Variants in PRKD2 observed in about 807,000 individuals in gnomAD.
PRKD2 encodes the protein serine/threonine-protein kinase D2.
In PRKD2, 22 loss-of-function variants were observed where a neutral mutation model predicts 86.0. That is an observed-to-expected ratio of 0.26 (90% CI 0.18 to 0.37). The LOEUF (loss-of-function observed/expected upper bound fraction) is 0.37. Ranked by LOEUF, PRKD2 falls within the 10% of genes least tolerant of loss-of-function variation. PRKD2 has a pLI of 1.00. For synonymous variants in PRKD2, 509 were observed against 510.9 expected (o/e 1.00, Z 0.05); for missense variants, 818 against 1,199.2 (o/e 0.68, Z 4.70).
At chr19:46,689,798 T>A (rs1018823125) in intron 13 of PRKD2, 100 bp from the exon 14 acceptor site, 1 of 1,405,864 alleles carries the variant, frequency 7.1e-7, no homozygotes, top group African/African-American at 1.4e-5. Context: ...AGGAGAAGGA[T>A]GTCCCTGGGG....
At position 46,678,039 on chromosome 19, in the gene PRKD2, C is replaced by T. The variant is rs113416276; in HGVS notation, c.2338+357G>A. ...GTCCCAGCCAATGCCTTGGGAGGCT[C>T]AGCCCCTTCTCCTGGTCACCGCAGC... On this transcript the variant is annotated intron_variant, in intron 16 of 17. Coordinates refer to ENST00000291281, the MANE Select transcript of PRKD2 (RefSeq NM_016457.5). The surrounding 1 kb of genome is among the most constrained non-coding windows in gnomAD (Gnocchi z 5.7). 6.3e-3 allele frequency among the ~76,000 whole-genome samples: 954 copies of T among 152,286 alleles called. 5 individuals are homozygous for T. Among genetic ancestry groups the T allele is most frequent in the African/African-American group, 0.022 (911 of 41,544 alleles).
At position 46,716,300 on chromosome 19, in the gene PRKD2, C is replaced by T. The variant is rs1276566248; in HGVS notation, c.71G>A (p.Gly24Asp). The T allele has an allele frequency of 6.5e-7, 1 of 1,541,480 alleles. No homozygotes were observed. Among genetic ancestry groups the T allele is most frequent in the African/African-American group, 1.4e-5 (1 of 70,330 alleles). ...SPGPGSPPPPGGLELQSPPPL... is the reference protein window; with the variant it reads ...SPGPGSPPPPDGLELQSPPPL... The stretch of plus-strand genomic sequence containing the variant: ...TGGCGGCGACTGCAGCTCTAGGCCG[C>T]CGGGGGGCGGAGGAGACCCCGGCCC... Residue 24 changes from glycine to aspartate, a missense_variant, in exon 1 of 18, where the codon GGC becomes GAC. Gly to Asp is a moderately conservative substitution (Grantham distance 94, BLOSUM62 -1). This residue lies in a region of PRKD2 where 403 missense variants were observed against 518.6 expected (regional missense o/e 0.78). Coordinates refer to ENST00000291281, the MANE Select transcript of PRKD2 (RefSeq NM_016457.5). The surrounding 1 kb of genome is among the most constrained non-coding windows in gnomAD (Gnocchi z 7.9).
In PRKD2 at chr19:46,704,492, C is replaced by T; in HGVS notation, c.666+3G>A. 3 of 1,614,176 alleles carry T rather than the reference C, an allele frequency of 1.9e-6. No individual in the cohort carries two copies. The highest frequency in any genetic ancestry group is 1.3e-5 in the African/African-American group (1 of 75,060). On this transcript the variant is annotated splice_donor_region_variant and intron_variant, in intron 4 of 17. Transcript: ENST00000291281. ...CAACCCGTCCCATCCCCCATCTCCT[C>T]ACCAGCTCTTCAGCCGTGCAGGGCA...
At chr19:46,681,831 C>T (rs970902830) in intron 14 of PRKD2, 83 bp from the exon 15 acceptor site, 9 of 778,348 alleles carry the variant, frequency 1.2e-5, no homozygotes, top group Non-Finnish European at 1.9e-5. Context: ...CCTCCAAACC[C>T]ATCCATACTT....
At chr19:46,697,951 GTTTT>G (rs2053584950) in intron 7 of PRKD2, 101 bp from the exon 8 acceptor site, 1 of 910,190 alleles carries the variant, frequency 1.1e-6, no homozygotes, top group African/African-American at 1.6e-5. Flanking sequence ...GTTGGGGACT[GTTTT>G]TGTTTGTTTG....
rs190753234 is a variant in PRKD2 at position 46,681,415 on chromosome 19, C to T, written c.2070+235G>A. Reference sequence around the variant, plus strand: ...GACTATAGGCGCACGCCACCATTCCCGGCTATTTTTTTTTTCATTTTTTGT... The same window carrying T: ...GACTATAGGCGCACGCCACCATTCCTGGCTATTTTTTTTTTCATTTTTTGT... On this transcript the variant is annotated intron_variant, in intron 15 of 17. Transcript: ENST00000291281. 1.1e-4 allele frequency among the ~76,000 whole-genome samples: 16 copies of T among 151,968 alleles called. No individual in the cohort carries two copies. The East Asian group carries it at 1.5e-3, about 15-fold the overall frequency.
intron 14 of PRKD2, among the ~76,000 whole-genome samples, chr19:46,687,174 C>A (rs898434987): frequency 6.6e-6 from 1 of 152,060 alleles, no homozygotes; most frequent in Admixed American, 6.6e-5. Context: ...AGGAGGATCA[C>A]TTGAGCCCAG....
At position 46,703,958 on chromosome 19, in the gene PRKD2, A is replaced by AACAACACAC. The variant is rs1555830816; in HGVS notation, c.889+210_889+211insGTGTGTTGT. Among the ~76,000 whole-genome samples, 1,087 of 133,714 alleles carry AACAACACAC rather than the reference A, an allele frequency of 8.1e-3. 21 individuals are homozygous for AACAACACAC. The highest frequency in any genetic ancestry group is 0.03 in the African/African-American group (1,013 of 34,286). The allele number at this position is 133,714 out of a possible 152,430, so 87.7% of individuals were successfully genotyped here. A position where few individuals can be genotyped will look rare whatever the true frequency, so the allele number is the denominator to read the frequency against. Reference sequence around the variant, plus strand: ...CACCCTGTCTCCAAAAAACAACAACAACACACACACACACACACACACACA... The same window carrying AACAACACAC: ...CACCCTGTCTCCAAAAAACAACAACAACAACACACACACACACACACACACACACACACA... On this transcript the variant is annotated intron_variant, in intron 5 of 17. Coordinates refer to ENST00000291281, the MANE Select transcript of PRKD2 (RefSeq NM_016457.5).
intron 3 of PRKD2, among the ~76,000 whole-genome samples, chr19:46,710,141 C>T (rs2053783616): frequency 6.6e-6 from 1 of 152,176 alleles, no homozygotes; most frequent in African/African-American, 2.4e-5. Flanking sequence ...TCGTGATCCA[C>T]CCGCCTCGGC....
chr19:46,709,083 T>G (rs1041693205), intron 3 of PRKD2, among the ~76,000 whole-genome samples: 1 of 151,570 alleles, frequency 6.6e-6, no homozygotes, highest in African/African-American at 2.4e-5. Context: ...TTCAAGTGAT[T>G]CTCCTACCTC....
chr19:46,704,780 C>T (rs2053690155), intron 3 of PRKD2, 131 bp from the exon 4 acceptor site: 3 of 1,175,748 alleles, frequency 2.6e-6, no homozygotes, highest in South Asian at 1.6e-5. Context: ...ACGATCTCCT[C>T]CAAAAGGCAC....
chr19:46,707,160 G>C (rs892773449), intron 3 of PRKD2, among the ~76,000 whole-genome samples: 1 of 152,114 alleles, frequency 6.6e-6, no homozygotes, highest in Admixed American at 6.5e-5. Context: ...CCAAAGTGCT[G>C]GGATTACAGG....
At chr19:46,705,034 A>C (rs932536331) in intron 3 of PRKD2, among the ~76,000 whole-genome samples, 2 of 147,688 alleles carry the variant, frequency 1.4e-5, no homozygotes, top group Admixed American at 1.4e-4. Flanking sequence ...CTCACACCCA[A>C]AATTTTCCCA....
At chr19:46,682,435 G>A (rs1005031411) in intron 14 of PRKD2, among the ~76,000 whole-genome samples, 3 of 151,996 alleles carry the variant, frequency 2.0e-5, no homozygotes, top group Admixed American at 2.0e-4. Flanking sequence ...GATTACAGGC[G>A]TGAGTGAGCC....
At position 46,700,718 on chromosome 19, in the gene PRKD2, C is replaced by T; in HGVS notation, c.1121+81G>A. On this transcript the variant is annotated intron_variant, in intron 7 of 17. Transcript: ENST00000291281. ...ATTTATAAATATGAGGTGATGTCAGCCCATTGTAGAGAAAAAGAAATTGAG... is the reference window on the plus strand; with the variant it reads ...ATTTATAAATATGAGGTGATGTCAGTCCATTGTAGAGAAAAAGAAATTGAG... 2.6e-6 allele frequency: 4 copies of T among 1,515,364 alleles called. No homozygotes were observed. In the South Asian group the frequency reaches 5.0e-5, roughly 19 times the overall value. The allele number at this position is 1,515,364 out of a possible 1,614,324, so 93.9% of individuals were successfully genotyped here.
intron 5 of PRKD2, among the ~76,000 whole-genome samples, chr19:46,701,925 G>A (rs771106907): frequency 2.6e-5 from 4 of 151,912 alleles, no homozygotes; most frequent in Non-Finnish European, 2.9e-5. Flanking sequence ...GCCCCTGGTC[G>A]AGAACCATTG....
chr19:46,710,149 G>A (rs1038930642), intron 3 of PRKD2, among the ~76,000 whole-genome samples: 3 of 151,772 alleles, frequency 2.0e-5, no homozygotes, highest in Non-Finnish European at 4.4e-5. Flanking sequence ...CACCCGCCTC[G>A]GCCTCCCAAA....
At position 46,689,696 on chromosome 19, in the gene PRKD2, G is replaced by A; in HGVS notation, c.1812C>T (p.Ser604=). 1 of 1,614,020 alleles carries A rather than the reference G, an allele frequency of 6.2e-7. No homozygotes were observed. Among genetic ancestry groups the A allele is most frequent in the Non-Finnish European group, 8.5e-7 (1 of 1,179,952 alleles). ...QLRNEVAILQ[S]LRHPGIVNLE... is the part of the protein sequence containing the mutation. Reference sequence around the variant, plus strand: ...GGTTCACGATCCCGGGATGCCGCAGGCTCTGCAGGGTGGGGAGCGGGGTCA... The same window carrying A: ...GGTTCACGATCCCGGGATGCCGCAGACTCTGCAGGGTGGGGAGCGGGGTCA... The change falls in exon 14 of 18, where the codon AGC becomes AGT. Residue 604 remains serine, a splice_region_variant and synonymous_variant. Coordinates refer to ENST00000291281, the MANE Select transcript of PRKD2 (RefSeq NM_016457.5).
chr19:46,689,692 G>A lies in PRKD2; in HGVS notation c.1816C>T (p.Arg606Trp), dbSNP rs200536563. 233 of 1,613,774 alleles carry A rather than the reference G, an allele frequency of 1.4e-4. 2 individuals carry two copies. Among genetic ancestry groups the A allele is most frequent in the Middle Eastern group, 1.6e-4 (1 of 6,080 alleles). ...TCCAGGTTCACGATCCCGGGATGCC[G>A]CAGGCTCTGCAGGGTGGGGAGCGGG... is the stretch of plus-strand genomic sequence containing the variant. ...RNEVAILQSL[R>W]HPGIVNLECM... Residue 606 changes from arginine to tryptophan, a missense_variant, in exon 14 of 18, where the codon CGG (arginine) becomes TGG (tryptophan). Transcript: ENST00000291281.
Sources: allele counts gnomAD v4.1 joint callset (sites outside exome capture counted in the v4.1 genomes callset), GRCh38; gene constraint gnomAD v4.1.1; regional missense constraint gnomAD v4.1.1; non-coding constraint Gnocchi (gnomAD v3.1); transcripts MANE v1.5; gene names NCBI Gene and HGNC (gene_info 2026-07-23, HGNC 2026-07-21).